CORIN: variants seen among roughly 807,000 people sequenced by gnomAD.
CORIN encodes the protein atrial natriuretic peptide-converting enzyme.
In CORIN, 117 loss-of-function variants were observed where a neutral mutation model predicts 125.3. That is an observed-to-expected ratio of 0.93 (90% CI 0.80 to 1.09). CORIN has a LOEUF of 1.09. Ranked by LOEUF, CORIN falls within the 50% of genes least tolerant of loss-of-function variation. The pLI is 0.00. For synonymous variants in CORIN, 450 were observed against 466.4 expected, an observed-to-expected ratio of 0.96 and a Z score of 0.45; for missense variants, 1,253 against 1,306.7, an observed-to-expected ratio of 0.96 and a Z score of 0.63.
intron 3 of CORIN, among the ~76,000 whole-genome samples, chr4:47,770,852 T>G (rs892589149): frequency 1.3e-4 from 20 of 152,072 alleles, no homozygotes; most frequent in African/African-American, 4.6e-4. Flanking sequence ...GAGAGTAAAA[T>G]GATGGCTACC....
intron 2 of CORIN, chr4:47,790,256 T>C: frequency 4.1e-6 from 4 of 965,276 alleles, no homozygotes; most frequent in Non-Finnish European, 4.9e-6. Context: ...GACAGCCAAG[T>C]AAAAATGGCT....
At chr4:47,764,226 T>C (rs1391891470) in intron 3 of CORIN, among the ~76,000 whole-genome samples, 1 of 152,218 alleles carries the variant, frequency 6.6e-6, no homozygotes. Context: ...AATGATCTTG[T>C]TTTTAAAACA....
At chr4:47,744,298 G>A in intron 5 of CORIN, 104 bp downstream of exon 5, 1 of 1,088,456 alleles carries the variant, frequency 9.2e-7, no homozygotes, top group African/African-American at 1.6e-5. Flanking sequence ...TTGTCACTTG[G>A]TTAAAATTTA....
At chr4:47,667,626 C>T (rs551524372) in intron 10 of CORIN, among the ~76,000 whole-genome samples, 1 of 152,112 alleles carries the variant, frequency 6.6e-6, no homozygotes, top group Admixed American at 6.5e-5. Flanking sequence ...GAGGATATCA[C>T]AGATATTATA....
At chr4:47,643,071 A>G (rs754459777) in intron 15 of CORIN, 75 bp downstream of exon 15, 8 of 1,609,802 alleles carry the variant, frequency 5.0e-6, no homozygotes, top group Non-Finnish European at 1.7e-6. Flanking sequence ...TCCAGGAAGT[A>G]ATTTAGGATC....
rs1242898849 is a variant in CORIN at position 47,626,496 on chromosome 4, G to A, written c.2224C>T (p.Gln742Ter). Residue 742 changes from glutamine to a stop codon, truncating the protein, a stop_gained, in exon 17 of 22, where the codon CAG becomes TAG. Transcript: ENST00000273857. LOFTEE classifies it high-confidence loss of function. ...CACCGCGGCTCTTTCTCCTGTTCCT[G>A]TATCAATTTGGTCACAGATGGTTCT... ...LGEPSVTKLI[Q>*]EQEKEPRWLT... 5 of 1,613,560 alleles carry A rather than the reference G, an allele frequency of 3.1e-6. No homozygotes were observed. The highest frequency in any genetic ancestry group is 1.3e-5 in the African/African-American group (1 of 74,890).
At chr4:47,595,996 G>T in intron 21 of CORIN, 93 bp from the exon 22 acceptor site, 1 of 981,216 alleles carries the variant, frequency 1.0e-6, no homozygotes, top group Non-Finnish European at 1.4e-6. Flanking sequence ...GCTAAACCCA[G>T]ATTAACCAAC....
chr4:47,758,727 T>C (rs1016225368), intron 4 of CORIN, among the ~76,000 whole-genome samples: 4 of 152,228 alleles, frequency 2.6e-5, no homozygotes, highest in African/African-American at 9.6e-5. Flanking sequence ...GTTCTTGTGA[T>C]AGTGAGTGAG....
At chr4:47,601,090 G>A (rs1466569707) in intron 20 of CORIN, among the ~76,000 whole-genome samples, 1 of 152,176 alleles carries the variant, frequency 6.6e-6, no homozygotes, top group Admixed American at 6.6e-5. Flanking sequence ...CTTATTGGAA[G>A]AAAGAGCCAT....
intron 2 of CORIN, among the ~76,000 whole-genome samples, chr4:47,792,974 A>C (rs1731142936): frequency 6.6e-6 from 1 of 152,230 alleles, no homozygotes; most frequent in Non-Finnish European, 1.5e-5. Flanking sequence ...GAGTCTAGCC[A>C]ATCTTGACTA....
At chr4:47,737,026 A>C (rs1035526952) in intron 5 of CORIN, among the ~76,000 whole-genome samples, 1 of 152,268 alleles carries the variant, frequency 6.6e-6, no homozygotes, top group Admixed American at 6.5e-5. Context: ...TCAGAAAAGT[A>C]GAATGGAAAT....
intron 13 of CORIN, among the ~76,000 whole-genome samples, chr4:47,650,120 T>C (rs1468072802): frequency 6.6e-6 from 1 of 152,236 alleles, no homozygotes; most frequent in Non-Finnish European, 1.5e-5. Flanking sequence ...CTAAGGGGAT[T>C]CTGACTTGAA....
At chr4:47,752,633 G>A (rs1378202526) in intron 4 of CORIN, among the ~76,000 whole-genome samples, 1 of 152,086 alleles carries the variant, frequency 6.6e-6, no homozygotes, top group Non-Finnish European at 1.5e-5. Context: ...TACAGACTGA[G>A]GGTCTTGTTT....
rs537057496 is a variant in CORIN at position 47,622,334 on chromosome 4, G to A, written c.2540+1237C>T. ...TACGTGTGCATGTGTCTTTATAGCAGCATGATTTATAGTCCTTTGGGTATA... is the reference window on the plus strand; with the variant it reads ...TACGTGTGCATGTGTCTTTATAGCAACATGATTTATAGTCCTTTGGGTATA... On this transcript the variant is annotated intron_variant, in intron 19 of 21. Transcript: ENST00000273857. Among the ~76,000 whole-genome samples the A allele has an allele frequency of 8.3e-3, 1,248 of 149,750 alleles. 8 individuals are homozygous for A. The highest frequency in any genetic ancestry group is 0.013 in the Non-Finnish European group (906 of 67,242).
At chr4:47,709,585 C>T (rs1726748100) in intron 5 of CORIN, among the ~76,000 whole-genome samples, 1 of 152,036 alleles carries the variant, frequency 6.6e-6, no homozygotes, top group African/African-American at 2.4e-5. Context: ...AACCACTGCA[C>T]CTGGCCAGAA....
intron 5 of CORIN, chr4:47,706,876 C>T: frequency 1.3e-6 from 2 of 1,598,958 alleles, no homozygotes; most frequent in Non-Finnish European, 1.7e-6. Flanking sequence ...CATCTGCAGG[C>T]CGAAAGAGCC....
chr4:47,710,899 A>C (rs1726810245), intron 5 of CORIN, among the ~76,000 whole-genome samples: 1 of 152,234 alleles, frequency 6.6e-6, no homozygotes, highest in Non-Finnish European at 1.5e-5. Context: ...TGCAAAATGC[A>C]AGTTTAAGGA....
chr4:47,830,763 A>G lies in CORIN; in HGVS notation c.63+7124T>C, dbSNP rs1732948563. Among the ~76,000 whole-genome samples the G allele has an allele frequency of 2.0e-5, 3 of 152,338 alleles. No homozygotes were observed. The South Asian group carries it at 6.2e-4, about 32-fold the overall frequency. Reference sequence around the variant, plus strand: ...TGCATAAAAAGATTTTTCACCATTCAGGAGGTTCTTGGAGTCTCAGATTAA... The same window carrying G: ...TGCATAAAAAGATTTTTCACCATTCGGGAGGTTCTTGGAGTCTCAGATTAA... On this transcript the variant is annotated intron_variant, in intron 1 of 21. Transcript: ENST00000273857.
intron 3 of CORIN, among the ~76,000 whole-genome samples, chr4:47,782,545 A>G (rs1730603706): frequency 6.6e-6 from 1 of 152,242 alleles, no homozygotes; most frequent in Admixed American, 6.5e-5. Flanking sequence ...ACTTCTAGGT[A>G]TAAACCCAAG....
Sources: allele counts gnomAD v4.1 joint callset (sites outside exome capture counted in the v4.1 genomes callset), GRCh38; gene constraint gnomAD v4.1.1; transcripts MANE v1.5; gene names NCBI Gene and HGNC (gene_info 2026-07-23, HGNC 2026-07-21).